NTPCR: variants seen among roughly 807,000 people sequenced by gnomAD.
NTPCR encodes the protein cancer-related nucleoside-triphosphatase.
In NTPCR, 15 loss-of-function variants were observed where a neutral mutation model predicts 19.5. That is an observed-to-expected ratio of 0.77 (90% CI 0.51 to 1.18). NTPCR has a LOEUF of 1.18. NTPCR is among the 50% of genes most tolerant of loss of function. NTPCR has a pLI of 0.00. For synonymous variants in NTPCR, 90 were observed against 95.8 expected, an observed-to-expected ratio of 0.94 and a Z score of 0.36; for missense variants, 206 against 240.4, an observed-to-expected ratio of 0.86 and a Z score of 0.95.
At position 232,978,326 on chromosome 1, in the gene NTPCR, T is replaced by C. The variant is rs761737699; in HGVS notation, c.*95T>C. On this transcript the variant is annotated 3_prime_UTR_variant, in exon 5 of 5. Coordinates refer to ENST00000366628, the MANE Select transcript of NTPCR (RefSeq NM_032324.3). ...TCGAGGCTGTATGCCTATGGGGTTATGGAACCTTGTGGGCTTTTCTAGAGA... is the reference window on the plus strand; with the variant it reads ...TCGAGGCTGTATGCCTATGGGGTTACGGAACCTTGTGGGCTTTTCTAGAGA... 56 of 953,386 alleles carry C rather than the reference T, an allele frequency of 5.9e-5. No individual in the cohort carries two copies. The highest frequency in any genetic ancestry group is 7.9e-5 in the Non-Finnish European group (49 of 616,812). 59.1% of individuals were successfully genotyped at this position (953,386 alleles called of 1,614,324 possible). A position where few individuals can be genotyped will look rare whatever the true frequency, so the allele number is the denominator to read the frequency against.
Position 232,983,038 on chromosome 1 carries a change from C to T in NTPCR, c.*4807C>T, listed in dbSNP as rs1669322215. 6.6e-6 allele frequency: 1 copy of T among 152,042 alleles called. No individual in the cohort carries two copies. The highest frequency in any genetic ancestry group is 1.5e-5 in the Non-Finnish European group (1 of 68,010). 9.4% of individuals were successfully genotyped at this position (152,042 alleles called of 1,614,324 possible). On this transcript the variant is annotated 3_prime_UTR_variant, in exon 5 of 5. Coordinates refer to ENST00000366628, the MANE Select transcript of NTPCR (RefSeq NM_032324.3). ...CTTCTGTCTGTGATTATAGAGTACA[C>T]TTGCTTTTATTAATTGCTGATTCTT...
In NTPCR at chr1:232,963,208, A is replaced by G. The variant is rs1668716064; in HGVS notation, c.295-6701A>G. On this transcript the variant is annotated intron_variant, in intron 3 of 4. Transcript: ENST00000366628. ...CAGTTTTTAAACTGTCAGTAAGGACATTCCTGCAGTGAATCAGCATAAGAA... is the reference window on the plus strand; with the variant it reads ...CAGTTTTTAAACTGTCAGTAAGGACGTTCCTGCAGTGAATCAGCATAAGAA... 6 of 152,360 alleles carry G rather than the reference A, an allele frequency of 3.9e-5. 1 individual carries two copies. The highest frequency in any genetic ancestry group is 1.2e-4 in the African/African-American group (5 of 41,588). 9.4% of individuals were successfully genotyped at this position (152,360 alleles called of 1,614,324 possible).
intron 3 of NTPCR, chr1:232,964,715 C>T (rs567244968): frequency 7.2e-5 from 11 of 152,180 alleles, no homozygotes; most frequent in Non-Finnish European, 1.3e-4. Context: ...GTGCTTCTCT[C>T]TATTTGTATC....
chr1:232,959,561 A>G (rs975695022), intron 3 of NTPCR, among the ~76,000 whole-genome samples: 4 of 152,154 alleles, frequency 2.6e-5, no homozygotes, highest in Admixed American at 6.5e-5. Context: ...TTGTCTTTAT[A>G]CTAAAGAAAA....
chr1:232,981,281 T>G lies in NTPCR; in HGVS notation c.*3050T>G, dbSNP rs908461871. ...GAGAGATCCTAGTAAAGCTGCAAAT[T>G]CAGGCACTCAGTTCCCAGCCCTCCA... On this transcript the variant is annotated 3_prime_UTR_variant, in exon 5 of 5. Transcript: ENST00000366628. The G allele has an allele frequency of 6.6e-6, 1 of 152,132 alleles. No individual in the cohort carries two copies. Among genetic ancestry groups the G allele is most frequent in the Admixed American group, 6.5e-5 (1 of 15,284 alleles). 9.4% of individuals were successfully genotyped at this position (152,132 alleles called of 1,614,324 possible).
chr1:232,983,083 T>C lies in NTPCR; in HGVS notation c.*4852T>C, dbSNP rs1669323237. 2.0e-5 allele frequency: 3 copies of C among 152,152 alleles called. No individual in the cohort carries two copies. In the South Asian group the frequency reaches 6.2e-4, roughly 32 times the overall value. 9.4% of individuals were successfully genotyped at this position (152,152 alleles called of 1,614,324 possible). On this transcript the variant is annotated 3_prime_UTR_variant, in exon 5 of 5. Transcript: ENST00000366628. ...ATTCTTAGTTTACAAAAAAAAAAAT[T>C]AGAAAAGCATTACCATTTACTTTCC...
chr1:232,981,579 G>A lies in NTPCR; in HGVS notation c.*3348G>A, dbSNP rs559761987. ...ATCGCATGATTTTAACAAATTACTT[G>A]CCAGATGATTTCAACACACTGCAAA... is the stretch of plus-strand genomic sequence containing the variant. On this transcript the variant is annotated 3_prime_UTR_variant, in exon 5 of 5. Transcript: ENST00000366628. 6.6e-6 allele frequency: 1 copy of A among 152,118 alleles called. No individual in the cohort carries two copies. The highest frequency in any genetic ancestry group is 1.5e-5 in the Non-Finnish European group (1 of 68,028). 9.4% of individuals were successfully genotyped at this position (152,118 alleles called of 1,614,324 possible). A position where few individuals can be genotyped will look rare whatever the true frequency, so the allele number is the denominator to read the frequency against.
chr1:232,956,228 T>G (rs1668507373), intron 2 of NTPCR, 119 bp from the exon 3 acceptor site: 2 of 713,248 alleles, frequency 2.8e-6, no homozygotes, highest in South Asian at 3.3e-5. Context: ...GCATTTTGTG[T>G]TGGTCATTTT....
intron 3 of NTPCR, chr1:232,963,410 A>T (rs993944551): frequency 6.6e-6 from 1 of 152,178 alleles, no homozygotes; most frequent in African/African-American, 2.4e-5. Context: ...TGACACCTTC[A>T]TGTCTTTCTT....
At position 232,956,349 on chromosome 1, in the gene NTPCR, T is replaced by C; in HGVS notation, c.200T>C (p.Leu67Ser). 1 of 1,612,386 alleles carries C rather than the reference T, an allele frequency of 6.2e-7. No individual in the cohort carries two copies. The highest frequency in any genetic ancestry group is 8.5e-7 in the Non-Finnish European group (1 of 1,178,446). ...GTRGPLSRVGLEPPPGKRECR... is the reference protein window; with the variant it reads ...GTRGPLSRVGSEPPPGKRECR... ...GAACATAATGTCTTTTCCTTCAGGT[T>C]AGAGCCTCCACCTGGAAAACGTGAA... Residue 67 changes from leucine to serine, a missense_variant and splice_region_variant, in exon 3 of 5, where the codon TTA becomes TCA. Transcript: ENST00000366628.
In NTPCR at chr1:232,980,466, C is replaced by T. The variant is rs1390364301; in HGVS notation, c.*2235C>T. 6.6e-6 allele frequency: 1 copy of T among 152,192 alleles called. No individual in the cohort carries two copies. The highest frequency in any genetic ancestry group is 2.4e-5 in the African/African-American group (1 of 41,452). 9.4% of individuals were successfully genotyped at this position (152,192 alleles called of 1,614,324 possible). ...GCATTTTTAGTGTGTTTTGTGCCCC[C>T]AGACCTCAGAGTTGACATTTAGCAG... On this transcript the variant is annotated 3_prime_UTR_variant, in exon 5 of 5. Transcript: ENST00000366628.
intron 3 of NTPCR, chr1:232,962,846 A>C (rs910341397): frequency 3.3e-5 from 5 of 152,232 alleles, no homozygotes; most frequent in African/African-American, 1.2e-4. Flanking sequence ...CTGCTTTGGA[A>C]AATCTTAGAA....
rs1308846627 is a variant in NTPCR at position 232,955,607 on chromosome 1, T to C, written c.85T>C (p.Ser29Pro). ...IHKASEVLKS[S>P]GVPVDGFYTE... is the part of the protein sequence containing the mutation. Reference sequence around the variant, plus strand: ...TAAAGCCAGTGAGGTTTTAAAATCCTCTGGTGTGCCTGTTGATGGATTTTA... The same window carrying C: ...TAAAGCCAGTGAGGTTTTAAAATCCCCTGGTGTGCCTGTTGATGGATTTTA... The change falls in exon 2 of 5, where the codon TCT becomes CCT. Residue 29 changes from serine (S) to proline (P), a missense_variant. By Grantham distance (74) the Ser-to-Pro change is moderately conservative (BLOSUM62 -1). Transcript: ENST00000366628. 1.2e-6 allele frequency: 2 copies of C among 1,612,544 alleles called. No individual in the cohort carries two copies. Among genetic ancestry groups the C allele is most frequent in the South Asian group, 2.2e-5 (2 of 90,978 alleles).
At chr1:232,953,322 G>A (rs1668424990) in intron 1 of NTPCR, among the ~76,000 whole-genome samples, 2 of 152,096 alleles carry the variant, frequency 1.3e-5, no homozygotes, top group African/African-American at 4.8e-5. Flanking sequence ...CTATCATCTC[G>A]AGGTCTCCTG....
intron 1 of NTPCR, among the ~76,000 whole-genome samples, chr1:232,951,335 C>T (rs1668360711): frequency 6.6e-6 from 1 of 152,090 alleles, no homozygotes; most frequent in African/African-American, 2.4e-5. Context: ...TACAGGAGCC[C>T]TTCTCAGACA....
intron 4 of NTPCR, chr1:232,976,185 A>G (rs1349998148): frequency 3.6e-5 from 27 of 752,164 alleles, no homozygotes; most frequent in Non-Finnish European, 4.7e-5. Flanking sequence ...TATGGGGTAC[A>G]GTGTGATGTT....
intron 4 of NTPCR, among the ~76,000 whole-genome samples, chr1:232,974,814 T>C (rs908465833): frequency 2.0e-5 from 3 of 152,202 alleles, no homozygotes; most frequent in African/African-American, 2.4e-5. Context: ...TATAATGGCA[T>C]TAATCCATTC....
Position 232,970,119 on chromosome 1 carries a change from G to A in NTPCR, c.504+1G>A. On this transcript the variant is annotated splice_donor_variant, in intron 4 of 4. Coordinates refer to ENST00000366628, the MANE Select transcript of NTPCR (RefSeq NM_032324.3). LOFTEE classifies it high-confidence loss of function. ...CAGAAAGGATGTGAAGGTGTTTAAT[G>A]TGAGTACAGCCAGTCCTCCATAATC... 1 of 1,610,596 alleles carries A rather than the reference G, an allele frequency of 6.2e-7. No homozygotes were observed. The highest frequency in any genetic ancestry group is 1.3e-5 in the African/African-American group (1 of 74,984).
chr1:232,972,461 CTG>C (rs1669010775), intron 4 of NTPCR, among the ~76,000 whole-genome samples: 1 of 151,872 alleles, frequency 6.6e-6, no homozygotes, highest in Non-Finnish European at 1.5e-5. Flanking sequence ...AGGTTAGTCT[CTG>C]TGGCCCATGC....
Sources: allele counts gnomAD v4.1 joint callset (sites outside exome capture counted in the v4.1 genomes callset), GRCh38; gene constraint gnomAD v4.1.1; transcripts MANE v1.5; gene names NCBI Gene and HGNC (gene_info 2026-07-23, HGNC 2026-07-21).